GPATCH2L: variants seen among roughly 807,000 people sequenced by gnomAD.
GPATCH2L encodes the protein G-patch domain containing 2 like.
A neutral mutation model predicts 57.4 loss-of-function variants in GPATCH2L; 31 were observed. The ratio of observed to expected loss-of-function variants is 0.54; its 90% CI spans 0.41 to 0.73. The LOEUF (loss-of-function observed/expected upper bound fraction) is 0.73. GPATCH2L is among the 30% of genes least tolerant of loss of function. The pLI is 0.00. For missense variants in GPATCH2L, 481 were observed against 599.9 expected (o/e 0.80, Z 2.07); for synonymous variants, 199 against 210.7 (o/e 0.94, Z 0.48).
downstream of GPATCH2L, among the ~76,000 whole-genome samples, chr14:76,218,232 GA>G (rs1404030093): frequency 6.6e-6 from 1 of 152,000 alleles, no homozygotes; most frequent in Non-Finnish European, 1.5e-5. Context: ...TTAAGTGAAA[GA>G]AATTAAAGAT....
Position 76,209,384 on chromosome 14 carries a change from T to C in GPATCH2L, c.*7533T>C, listed in dbSNP as rs532919444. ...ACTGCAGGCTTCTAGGAAAGCATAT[T>C]AAAGGTCTCTGGTCCTTCTCTCACC... On this transcript the variant is annotated 3_prime_UTR_variant, in exon 10 of 10. Coordinates refer to ENST00000261530, the MANE Select transcript of GPATCH2L (RefSeq NM_017926.4). 1.3e-5 allele frequency: 2 copies of C among 152,382 alleles called. No homozygotes were observed. The highest frequency in any genetic ancestry group is 3.9e-4 in the East Asian group (2 of 5,186). The allele number at this position is 152,382 out of a possible 1,614,324, so 9.4% of individuals were successfully genotyped here. A position where few individuals can be genotyped will look rare whatever the true frequency, so the allele number is the denominator to read the frequency against.
chr14:76,214,762 G>A (rs2040477685), downstream of GPATCH2L, among the ~76,000 whole-genome samples: 1 of 152,186 alleles, frequency 6.6e-6, no homozygotes, highest in South Asian at 2.1e-4. Context: ...TTATACCATA[G>A]CAGTCAGTAA....
chr14:76,172,919 T>G (rs1467046543), intron 4 of GPATCH2L, among the ~76,000 whole-genome samples: 1 of 152,240 alleles, frequency 6.6e-6, no homozygotes, highest in Non-Finnish European at 1.5e-5. Flanking sequence ...ATTGCTTTAT[T>G]GAACATTTTG....
chr14:76,152,031 G>C (rs2038063782), intron 1 of GPATCH2L, 40 bp downstream of exon 1: 1 of 152,550 alleles, frequency 6.6e-6, no homozygotes, highest in Admixed American at 6.5e-5. Flanking sequence ...GGGGTCCTGG[G>C]GGCTAGTACC....
chr14:76,234,728 G>C (rs114160839), intron 2 of GPATCH2L: 2 of 152,410 alleles, frequency 1.3e-5, no homozygotes. Context: ...ACTGCAGCCC[G>C]AGCTGTCACC....
intron 8 of GPATCH2L, among the ~76,000 whole-genome samples, chr14:76,194,518 T>C (rs545948263): frequency 8.2e-6 from 1 of 121,314 alleles, no homozygotes; most frequent in South Asian, 2.8e-4. Context: ...CGCTCATGCT[T>C]GCGTGCACGC....
chr14:76,233,324 G>T (rs542969486), intron 2 of GPATCH2L, among the ~76,000 whole-genome samples: 1 of 152,300 alleles, frequency 6.6e-6, no homozygotes, highest in South Asian at 2.1e-4. Context: ...AGCCTCACAT[G>T]CAATGGGCAT....
At chr14:76,224,306 T>C (rs530032515) in intron 1 of GPATCH2L, among the ~76,000 whole-genome samples, 2 of 152,292 alleles carry the variant, frequency 1.3e-5, no homozygotes, top group East Asian at 1.9e-4. Context: ...TCCGGAGTTA[T>C]ATGGTAATCA....
chr14:76,199,094 G>A (rs977181622), intron 9 of GPATCH2L, among the ~76,000 whole-genome samples: 1 of 152,152 alleles, frequency 6.6e-6, no homozygotes, highest in South Asian at 2.1e-4. Context: ...AACATTTATA[G>A]CAGATATGTA....
Position 76,205,103 on chromosome 14 carries a change from A to T in GPATCH2L, c.*3252A>T, listed in dbSNP as rs1459213941. The T allele has an allele frequency of 2.6e-5, 4 of 152,268 alleles. No homozygotes were observed. Among genetic ancestry groups the T allele is most frequent in the African/African-American group, 7.3e-5 (3 of 41,362 alleles). 9.4% of individuals were successfully genotyped at this position (152,268 alleles called of 1,614,324 possible). A position where few individuals can be genotyped will look rare whatever the true frequency, so the allele number is the denominator to read the frequency against. ...TCCTGCCTCAGCCTCCTGAGTTGTG[A>T]GGACTATGGAAGTGTGCCACCATGC... is the stretch of plus-strand genomic sequence containing the variant. On this transcript the variant is annotated 3_prime_UTR_variant, in exon 10 of 10. Coordinates refer to ENST00000261530, the MANE Select transcript of GPATCH2L (RefSeq NM_017926.4).
At chr14:76,162,609 C>T (rs2038644231) in intron 2 of GPATCH2L, among the ~76,000 whole-genome samples, 1 of 152,044 alleles carries the variant, frequency 6.6e-6, no homozygotes, top group African/African-American at 2.4e-5. Flanking sequence ...TTTTCCTAGC[C>T]TTGTATGATG....
At chr14:76,192,997 C>G (rs2040028623) in intron 8 of GPATCH2L, among the ~76,000 whole-genome samples, 1 of 151,932 alleles carries the variant, frequency 6.6e-6, no homozygotes, top group Admixed American at 6.6e-5. Flanking sequence ...AATGTAGAGA[C>G]AATTGACCTG....
At chr14:76,161,794 G>A (rs536751021) in intron 2 of GPATCH2L, among the ~76,000 whole-genome samples, 1 of 152,296 alleles carries the variant, frequency 6.6e-6, no homozygotes, top group Non-Finnish European at 1.5e-5. Context: ...CTAGCACTTT[G>A]GGAGGCCTAG....
At chr14:76,232,011 A>ACTGCAGCCTCACTGCAGCCTCTCTGC in intron 2 of GPATCH2L, among the ~76,000 whole-genome samples, 1 of 150,440 alleles carries the variant, frequency 6.6e-6, no homozygotes, top group Non-Finnish European at 1.5e-5. Context: ...CTGCAGGCTC[A>ACTGCAGCCTCACTGCAGCCTCTCTGC]AGCAATCTTC....
intron 2 of GPATCH2L, among the ~76,000 whole-genome samples, chr14:76,156,176 C>T (rs2038297342): frequency 6.6e-6 from 1 of 152,234 alleles, no homozygotes; most frequent in Non-Finnish European, 1.5e-5. Flanking sequence ...GATTCCAAAG[C>T]TCATTCTTAA....
At position 76,220,649 on chromosome 14, in the gene GPATCH2L, G is replaced by A. The variant is rs150847370; in HGVS notation, c.66-9159G>A. Among the ~76,000 whole-genome samples the A allele has an allele frequency of 7.6e-3, 1,156 of 152,170 alleles. 4 individuals carry two copies. The highest frequency in any genetic ancestry group is 0.011 in the Non-Finnish European group (739 of 67,996). ...GTGTCAGAAGAGGTATTCTTTCCAA[G>A]CACCCATTGAATTTTTACCAGAATT... On this transcript the variant is annotated intron_variant and NMD_transcript_variant, in intron 1 of 3. Coordinates refer to the GPATCH2L transcript ENST00000556372.
rs559852158 is a variant in GPATCH2L at position 76,195,819 on chromosome 14, A to G, written c.1194-59A>G. 6.5e-5 allele frequency: 81 copies of G among 1,250,610 alleles called. No homozygotes were observed. In the South Asian group the frequency reaches 9.5e-4, roughly 15 times the overall value. 77.5% of individuals were successfully genotyped at this position (1,250,610 alleles called of 1,614,324 possible). ...TAAGGATTTAATCTGGGCTACATGT[A>G]ATGTCTTACAATAAGAATTAAAAAG... is the stretch of plus-strand genomic sequence containing the variant. On this transcript the variant is annotated intron_variant, in intron 8 of 9. Coordinates refer to ENST00000261530, the MANE Select transcript of GPATCH2L (RefSeq NM_017926.4).
At chr14:76,155,738 G>A (rs1221251088) in intron 2 of GPATCH2L, among the ~76,000 whole-genome samples, 1 of 152,072 alleles carries the variant, frequency 6.6e-6, no homozygotes, top group East Asian at 1.9e-4. Context: ...ATACCCCCCA[G>A]CTTGATACTT....
intron 2 of GPATCH2L, among the ~76,000 whole-genome samples, chr14:76,164,848 A>G (rs2038756282): frequency 6.6e-6 from 1 of 152,196 alleles, no homozygotes; most frequent in South Asian, 2.1e-4. Context: ...CTTGATTCCT[A>G]TGATAATATA....
Sources: allele counts gnomAD v4.1 joint callset (sites outside exome capture counted in the v4.1 genomes callset), GRCh38; gene constraint gnomAD v4.1.1; transcripts MANE v1.5; gene names NCBI Gene and HGNC (gene_info 2026-07-23, HGNC 2026-07-21).